Variants in MKI67 observed in about 807,000 individuals in gnomAD.
The protein encoded by MKI67 is proliferation marker protein Ki-67.
In MKI67, 152 loss-of-function variants were observed where a neutral mutation model predicts 233.5. The observed-to-expected ratio is 0.65, with a 90% CI of 0.57 to 0.74. MKI67 has a LOEUF of 0.74. Ranked by LOEUF, MKI67 falls within the 30% of genes least tolerant of loss-of-function variation. The pLI, the probability that MKI67 is intolerant of heterozygous loss-of-function variation, is 0.00. For synonymous variants in MKI67, 1,465 were observed against 1,418.5 expected, an observed-to-expected ratio of 1.03 and a Z score of -0.74; for missense variants, 3,940 against 3,885.2, an observed-to-expected ratio of 1.01 and a Z score of -0.37.
rs372972364 is a variant in MKI67, at chr10:128,106,516, G to A, written c.5324C>T (p.Thr1775Met). The A allele has an allele frequency of 8.1e-6, 13 of 1,613,918 alleles. No individual in the cohort carries two copies. The South Asian group carries it at 8.8e-5, about 11-fold the overall frequency. The change falls in exon 13 of 15, where the codon ACG becomes ATG. Residue 1775 changes from threonine (T) to methionine (M), a missense_variant. Physicochemically the swap from Thr to Met is moderately conservative, Grantham distance 81 (BLOSUM62 -1). Coordinates refer to ENST00000368654, the MANE Select transcript of MKI67 (RefSeq NM_002417.5). ...GTGCATGGCTTTGCCTGCTGATGGC[G>A]TTTGTTTCCTAAATGCTAAAAATTC... ...EEEFLAFRKQTPSAGKAMHTP... is the reference protein window; with the variant it reads ...EEEFLAFRKQMPSAGKAMHTP...
chr10:128,109,473 A>C, intron 12 of MKI67, 50 bp from the exon 13 acceptor site: 1 of 1,558,186 alleles, frequency 6.4e-7, no homozygotes, highest in Non-Finnish European at 8.7e-7. Context: ...GTCTCATGTC[A>C]ATCGAGTATT....
chr10:128,107,406 T>C lies in MKI67; in HGVS notation c.4434A>G (p.Val1478=), dbSNP rs1395517790. The C allele has an allele frequency of 1.9e-6, 3 of 1,612,476 alleles. No individual in the cohort carries two copies. The highest frequency in any genetic ancestry group is 4.5e-5 in the East Asian group (2 of 44,726). The change falls in exon 13 of 15, where the codon GTA becomes GTG. Residue 1478 remains valine, a synonymous_variant. Transcript: ENST00000368654. Reference sequence around the variant, plus strand: ...CGTGAGTCGTGGGCTTGTCAGTGCATACTGGTGTCTGGAAGAGCTCTTTCA... The same window carrying C: ...CGTGAGTCGTGGGCTTGTCAGTGCACACTGGTGTCTGGAAGAGCTCTTTCA... ...AGLKELFQTP[V]CTDKPTTHEK...
chr10:128,124,561 C>T (rs1240219956), intron 2 of MKI67, among the ~76,000 whole-genome samples: 1 of 152,142 alleles, frequency 6.6e-6, no homozygotes, highest in African/African-American at 2.4e-5. Context: ...TTCTACTGAC[C>T]CTTGCCAGAA....
In MKI67 at chr10:128,101,571, A is replaced by C. The variant is rs560965489; in HGVS notation, c.9392T>G (p.Met3131Arg). 1 of 1,614,184 alleles carries C rather than the reference A, an allele frequency of 6.2e-7. No homozygotes were observed. Among genetic ancestry groups the C allele is most frequent in the African/African-American group, 1.3e-5 (1 of 75,046 alleles). Residue 3131 changes from methionine to arginine, a missense_variant, in exon 14 of 15, where the codon ATG becomes AGG. Met to Arg is a moderately conservative substitution (Grantham distance 91). Coordinates refer to ENST00000368654, the MANE Select transcript of MKI67 (RefSeq NM_002417.5). ...EKKPMKTSPE[M>R]DIQNPDDGAR... ...TCCATCATCTGGATTCTGAATGTCC[A>C]TCTCTGGGGAGGTCTTCATGGGCTT... is the stretch of plus-strand genomic sequence containing the variant.
Position 128,108,275 on chromosome 10 carries a change from C to A in MKI67, c.3565G>T (p.Ala1189Ser), listed in dbSNP as rs754563546. The change falls in exon 13 of 15, where the codon GCA becomes TCA. Residue 1189 changes from alanine (A) to serine (S), a missense_variant. By Grantham distance (99) the Ala-to-Ser change is moderately conservative. Transcript: ENST00000368654. ...TTCTGCACTGGAGTTCCCATAAATG[C>A]TTTAATGTCTTTCTCATCACCTCCT... is the stretch of plus-strand genomic sequence containing the variant. The part of the protein sequence containing the change: ...PAGGDEKDIK[A>S]FMGTPVQKLD... 6.2e-6 allele frequency: 10 copies of A among 1,613,496 alleles called. No homozygotes were observed. The South Asian group carries it at 1.1e-4, about 18-fold the overall frequency.
In MKI67 at chr10:128,115,451, C is replaced by T. The variant is rs376019590; in HGVS notation, c.957G>A (p.Lys319=). 6.2e-7 allele frequency: 1 copy of T among 1,613,688 alleles called. No homozygotes were observed. Among genetic ancestry groups the T allele is most frequent in the Non-Finnish European group, 8.5e-7 (1 of 1,179,888 alleles). Residue 319 remains lysine, a synonymous_variant, in exon 7 of 15, where the codon AAG becomes AAA. Coordinates refer to ENST00000368654, the MANE Select transcript of MKI67 (RefSeq NM_002417.5). ...TCTGAACAGACTCCACGTCTCTTCC[C>T]TTCCCCTTGTTCTGGTCAAGCTCTT... The part of the protein sequence containing the change: ...PEQELDQNKG[K]GRDVESVQTP...
At chr10:128,113,731 CTA>C in intron 7 of MKI67, 129 bp from the exon 8 acceptor site, 1 of 778,512 alleles carries the variant, frequency 1.3e-6, no homozygotes, top group South Asian at 1.8e-5. Context: ...CAGCACGCCT[CTA>C]TTCTTGCAAT....
At chr10:128,124,917 AGGCCGGGATGGGGTTGGGAGGACAGGG>A (rs1173154612) in intron 2 of MKI67, among the ~76,000 whole-genome samples, 2 of 76,420 alleles carry the variant, frequency 2.6e-5, no homozygotes, top group East Asian at 4.5e-4. Flanking sequence ...GGACAGGGTG[AGGCCGGGATGGGGTTGGGAGGACAGGG>A]TGAGGCCTGA....
rs138888836 is a variant in MKI67, at chr10:128,107,642, C to T, written c.4198G>A (p.Val1400Ile). ...QPKTPLEKRD[V>I]QKELSALKKL... ...TTCAGGGCTGAGAGCTCCTTCTGTA[C>T]GTCCCTTTTCTCCAAAGGTGTCTTG... Residue 1400 changes from valine to isoleucine, a missense_variant, in exon 13 of 15, where the codon GTA (valine) becomes ATA (isoleucine). Coordinates refer to ENST00000368654, the MANE Select transcript of MKI67 (RefSeq NM_002417.5). The T allele has an allele frequency of 2.5e-5, 40 of 1,614,010 alleles. No individual in the cohort carries two copies. In the South Asian group the frequency reaches 2.9e-4, roughly 12 times the overall value.
rs768131609 is a variant in MKI67 at position 128,104,543 on chromosome 10, C to T, written c.7297G>A (p.Ala2433Thr). ...TTGAAGCCAACCAGGTCCTCTAGAG[C>T]CTCAGCCTTTTCCTTAGGAGTCTGT... ...QPQTPKEKAEALEDLVGFKEL... is the reference protein window; with the variant it reads ...QPQTPKEKAETLEDLVGFKEL... The change falls in exon 13 of 15, where the codon GCT becomes ACT. Residue 2433 changes from alanine to threonine, a missense_variant. Ala to Thr is a moderately conservative substitution (Grantham distance 58). Transcript: ENST00000368654. 6.2e-7 allele frequency: 1 copy of T among 1,614,176 alleles called. No individual in the cohort carries two copies. The highest frequency in any genetic ancestry group is 1.3e-5 in the African/African-American group (1 of 75,044).
Position 128,107,188 on chromosome 10 carries a change from A to G in MKI67, c.4652T>C (p.Ile1551Thr), listed in dbSNP as rs753803758. The G allele has an allele frequency of 1.9e-6, 3 of 1,613,888 alleles. No individual in the cohort carries two copies. Among genetic ancestry groups the G allele is most frequent in the East Asian group, 2.2e-5 (1 of 44,822 alleles). Residue 1551 changes from isoleucine to threonine, a missense_variant, in exon 13 of 15, where the codon ATC becomes ACC. Coordinates refer to ENST00000368654, the MANE Select transcript of MKI67 (RefSeq NM_002417.5). ...PKPAVSGEKN[I>T]YAFMGTPVQK... ...CACTGGAGTTCCCATAAATGCGTAG[A>G]TGTTTTTCTCACCACTTACTGCTGG...
chr10:128,106,284 T>C lies in MKI67; in HGVS notation c.5556A>G (p.Lys1852=). 3.1e-6 allele frequency: 5 copies of C among 1,613,652 alleles called. No individual in the cohort carries two copies. Among genetic ancestry groups the C allele is most frequent in the Non-Finnish European group, 4.2e-6 (5 of 1,179,930 alleles). The change falls in exon 13 of 15, where the codon AAA becomes AAG. Residue 1852 remains lysine, a synonymous_variant. Coordinates refer to ENST00000368654, the MANE Select transcript of MKI67 (RefSeq NM_002417.5). The part of the protein sequence containing the change: ...PCTDNPTTDE[K]TTKKILCKSP... ...ATTTGCAGAGTATTTTTTTGGTAGT[T>C]TTCTCATCAGTCGTGGGGTTATCAG...
intron 4 of MKI67, among the ~76,000 whole-genome samples, chr10:128,121,470 AAT>A (rs925239451): frequency 3.6e-5 from 5 of 139,194 alleles, no homozygotes; most frequent in African/African-American, 1.3e-4. Flanking sequence ...TGGTATATAT[AAT>A]ATATATTATT....
In MKI67 at chr10:128,108,648, G is replaced by A. The variant is rs1852588022; in HGVS notation, c.3192C>T (p.Ser1064=). Residue 1064 remains serine, a synonymous_variant, in exon 13 of 15, where the codon AGC becomes AGT. Coordinates refer to ENST00000368654, the MANE Select transcript of MKI67 (RefSeq NM_002417.5). ...THREPAGDGK[S]IRTFKESPKQ... ...TTGGAGACTCCTTAAACGTTCTGAT[G>A]CTCTTGCCATCTCCTGCTGGCTCTC... 1 of 1,613,972 alleles carries A rather than the reference G, an allele frequency of 6.2e-7. No individual in the cohort carries two copies. The highest frequency in any genetic ancestry group is 1.3e-5 in the African/African-American group (1 of 74,898).
In MKI67 at chr10:128,111,868, T is replaced by A. The variant is rs74159190; in HGVS notation, c.2089-52A>T. The stretch of plus-strand genomic sequence containing the variant: ...AGGACATTAAAGCATAAATCCACAC[T>A]GAATGCAAGCTTCGATGACACCGGT... On this transcript the variant is annotated intron_variant, in intron 10 of 14. Transcript: ENST00000368654. The A allele has an allele frequency of 3.9e-3, 6,210 of 1,607,474 alleles. 221 individuals carry two copies. In the African/African-American group the frequency reaches 0.073, roughly 19 times the overall value.
intron 13 of MKI67, 86 bp downstream of exon 13, chr10:128,102,493 T>C: frequency 2.0e-6 from 3 of 1,495,000 alleles, no homozygotes. Flanking sequence ...TAACCACTTA[T>C]AACGTCAGGT....
At position 128,115,796 on chromosome 10, in the gene MKI67, T is replaced by A. The variant is rs1165496600; in HGVS notation, c.612A>T (p.Lys204Asn). 6.2e-7 allele frequency: 1 copy of A among 1,611,794 alleles called. No homozygotes were observed. The highest frequency in any genetic ancestry group is 1.3e-5 in the African/African-American group (1 of 74,948). ...NAADPISGDF[K>N]EISSVKLVSR... is the part of the protein sequence containing the mutation. Reference sequence around the variant, plus strand: ...TCACTAATTTAACGCTGGAAATTTCTTTAAAATCCCCAGAAATGGGATCAG... The same window carrying A: ...TCACTAATTTAACGCTGGAAATTTCATTAAAATCCCCAGAAATGGGATCAG... Residue 204 changes from lysine to asparagine, a missense_variant, in exon 7 of 15, where the codon AAA becomes AAT. By Grantham distance (94) the Lys-to-Asn change is moderately conservative. Transcript: ENST00000368654.
intron 4 of MKI67, among the ~76,000 whole-genome samples, chr10:128,122,195 G>A (rs986744580): frequency 1.3e-5 from 2 of 152,126 alleles, no homozygotes; most frequent in Non-Finnish European, 2.9e-5. Context: ...CTGGAGGCTG[G>A]AAGTCCAAGA....
At chr10:128,117,110 C>T (rs968379650) in intron 5 of MKI67, among the ~76,000 whole-genome samples, 1 of 152,180 alleles carries the variant, frequency 6.6e-6, no homozygotes, top group African/African-American at 2.4e-5. Context: ...AATCAAACCT[C>T]GGTGTGTTTT....
Sources: gnomAD v4.1 joint callset for allele counts (sites outside exome capture counted in the v4.1 genomes callset) on GRCh38, gnomAD v4.1.1 for gene constraint, MANE v1.5 for transcripts, NCBI Gene and HGNC (gene_info 2026-07-23, HGNC 2026-07-21) for gene names.